The following FAM20C variants were observed in gnomAD, a reference collection of about 807,000 sequenced individuals.
The protein encoded by FAM20C is extracellular serine/threonine protein kinase FAM20C.
FAM20C carries 40 observed loss-of-function variants against 51.5 expected under a neutral mutation model. That is an observed-to-expected ratio of 0.78 (90% CI 0.60 to 1.01). The LOEUF (loss-of-function observed/expected upper bound fraction) is 1.01. Among genes scored for constraint, FAM20C ranks in the 50% least tolerant of loss-of-function variants. FAM20C has a pLI of 0.00. For synonymous variants in FAM20C, 406 were observed against 380.6 expected, an observed-to-expected ratio of 1.07 and a Z score of -0.78; for missense variants, 861 against 844.7, an observed-to-expected ratio of 1.02 and a Z score of -0.24.
intron 1 of FAM20C, 90 bp from the exon 2 acceptor site, chr7:195,464 A>T: frequency 1.6e-6 from 2 of 1,266,682 alleles, no homozygotes; most frequent in Non-Finnish European, 2.0e-6. Flanking sequence ...ACCCAAAGTT[A>T]AAAACACTGG....
chr7:234,894 A>C (rs1244147388), intron 3 of FAM20C, among the ~76,000 whole-genome samples: 2 of 152,224 alleles, frequency 1.3e-5, no homozygotes, highest in South Asian at 4.1e-4. Context: ...TGGGGACCTC[A>C]GCACCCCCTT....
intron 3 of FAM20C, among the ~76,000 whole-genome samples, chr7:211,016 A>G (rs1047967524): frequency 2.0e-5 from 3 of 152,018 alleles, no homozygotes; most frequent in African/African-American, 2.4e-5. Context: ...TAAAGACGAG[A>G]GAACTGGGGT....
intron 3 of FAM20C, among the ~76,000 whole-genome samples, chr7:231,368 C>T (rs945902734): frequency 3.3e-5 from 5 of 150,080 alleles, no homozygotes; most frequent in South Asian, 4.2e-4. Context: ...AGGAGGGTCC[C>T]GGCGTGGAGG....
intron 3 of FAM20C, among the ~76,000 whole-genome samples, chr7:224,365 CTGTCA>C (rs2115103416): frequency 3.6e-5 from 1 of 28,074 alleles, no homozygotes; most frequent in Non-Finnish European, 7.8e-5. Flanking sequence ...CAGAACGGCA[CTGTCA>C]CGGGGTCACA....
chr7:255,372 C>G (rs1009321224), intron 5 of FAM20C, among the ~76,000 whole-genome samples: 3 of 152,152 alleles, frequency 2.0e-5, no homozygotes, highest in Admixed American at 2.0e-4. Context: ...CCATCAGGGT[C>G]GTCTTTGGAG....
intron 2 of FAM20C, among the ~76,000 whole-genome samples, chr7:199,468 C>G (rs1786032285): frequency 6.6e-6 from 1 of 152,270 alleles, no homozygotes; most frequent in South Asian, 2.1e-4. Flanking sequence ...GTTCTGTCCC[C>G]TCAGCTGTCC....
At position 251,279 on chromosome 7, in the gene FAM20C, A is replaced by C. The variant is rs994465573; in HGVS notation, c.1072+2849A>C. 4.7e-3 allele frequency among the ~76,000 whole-genome samples: 346 copies of C among 73,104 alleles called. 10 individuals are homozygous for C. The highest frequency in any genetic ancestry group is 6.4e-3 in the Non-Finnish European group (197 of 30,594). The allele number at this position is 73,104 out of a possible 152,430, so 48.0% of individuals were successfully genotyped here. A position where few individuals can be genotyped will look rare whatever the true frequency, so the allele number is the denominator to read the frequency against. ...GGGCACGGTGGCTCACACGCCTGCA[A>C]TCCCAGTACTGGGAGGACCCCTTGA... On this transcript the variant is annotated intron_variant, in intron 5 of 9. Coordinates refer to ENST00000313766, the MANE Select transcript of FAM20C (RefSeq NM_020223.4).
chr7:257,798 G>GTGGGGTGGACCCACTGC (rs1788651408), intron 8 of FAM20C, among the ~76,000 whole-genome samples: 1 of 121,714 alleles, frequency 8.2e-6, no homozygotes, highest in African/African-American at 3.0e-5. Context: ...CTGGAGATGG[G>GTGGGGTGGACCCACTGC]CTGGGTGGAC....
chr7:229,007 C>A (rs985145507), intron 3 of FAM20C: 2 of 360,504 alleles, frequency 5.5e-6, no homozygotes, highest in Admixed American at 7.1e-5. Context: ...AGTCGGGCCA[C>A]ACCCTGCCCC....
chr7:259,705 A>G, intron 9 of FAM20C, 26 bp from the exon 10 acceptor site: 1 of 1,522,100 alleles, frequency 6.6e-7, no homozygotes, highest in Non-Finnish European at 8.8e-7. Flanking sequence ...GTCCCGTGCC[A>G]GGCCTGATGC....
chr7:194,083 T>G, intron 1 of FAM20C: 1 of 407,916 alleles, frequency 2.5e-6, no homozygotes, highest in Non-Finnish European at 4.3e-6. Flanking sequence ...TGACCAGCCG[T>G]GGTCACCAGC....
intron 5 of FAM20C, among the ~76,000 whole-genome samples, chr7:250,703 C>T (rs947309139): frequency 4.6e-5 from 7 of 152,362 alleles, no homozygotes; most frequent in Admixed American, 3.3e-4. Flanking sequence ...CCTGCCCCAC[C>T]GTCCACAGGA....
intron 3 of FAM20C, chr7:227,701 G>A (rs531977983): frequency 6.6e-6 from 1 of 152,292 alleles, no homozygotes; most frequent in South Asian, 2.1e-4. Flanking sequence ...CCTGAGTCCT[G>A]TCCATGAATA....
At chr7:195,869 C>A in intron 2 of FAM20C, 137 bp downstream of exon 2, 1 of 851,282 alleles carries the variant, frequency 1.2e-6, no homozygotes, top group Non-Finnish European at 1.6e-6. Flanking sequence ...CAGCAATCTG[C>A]ACGGGCAGCG....
At chr7:231,140 C>T (rs1369412538) in intron 3 of FAM20C, among the ~76,000 whole-genome samples, 1 of 152,094 alleles carries the variant, frequency 6.6e-6, no homozygotes, top group African/African-American at 2.4e-5. Flanking sequence ...CCCTCCCATC[C>T]AAGCATCAGG....
intron 2 of FAM20C, among the ~76,000 whole-genome samples, chr7:198,639 C>A (rs1466485704): frequency 1.8e-4 from 28 of 152,190 alleles, no homozygotes; most frequent in Admixed American, 1.8e-3. Context: ...CCTTTGTCAT[C>A]GAAATACCTG....
Position 260,330 on chromosome 7 carries a change from T to C in FAM20C, c.*350T>C. ...GACGTGTACACAGATGCCAATCACC[T>C]ACCAAACCAAACACGAGGACCGCCC... On this transcript the variant is annotated 3_prime_UTR_variant, in exon 10 of 10. Transcript: ENST00000313766. 5.5e-6 allele frequency: 1 copy of C among 181,518 alleles called. No individual in the cohort carries two copies. Among genetic ancestry groups the C allele is most frequent in the South Asian group, 1.9e-4 (1 of 5,172 alleles). The allele number at this position is 181,518 out of a possible 1,614,324, so 11.2% of individuals were successfully genotyped here.
intron 3 of FAM20C, among the ~76,000 whole-genome samples, chr7:244,236 C>T (rs771408123): frequency 6.6e-6 from 1 of 152,134 alleles, no homozygotes; most frequent in African/African-American, 2.4e-5. Context: ...AGAAATCTTG[C>T]CTCCATCTGG....
intron 3 of FAM20C, among the ~76,000 whole-genome samples, chr7:226,269 G>A (rs934327612): frequency 5.9e-5 from 9 of 152,096 alleles, no homozygotes; most frequent in African/African-American, 7.2e-5. Flanking sequence ...CCTCTGCCTC[G>A]TGACCGGCTA....
Sources: allele counts gnomAD v4.1 joint callset (sites outside exome capture counted in the v4.1 genomes callset), GRCh38; gene constraint gnomAD v4.1.1; transcripts MANE v1.5; gene names NCBI Gene and HGNC (gene_info 2026-07-23, HGNC 2026-07-21).